TMEM131L: variants seen among roughly 807,000 people sequenced by gnomAD.
TMEM131L encodes the protein transmembrane protein 131-like.
A neutral mutation model predicts 192.2 loss-of-function variants in TMEM131L; 54 were observed. That is an observed-to-expected ratio of 0.28 (90% CI 0.23 to 0.35). TMEM131L has a LOEUF of 0.35. Among genes scored for constraint, TMEM131L ranks in the 10% least tolerant of loss-of-function variants. The pLI is 1.00. For missense variants in TMEM131L, 1,888 were observed against 1,972.9 expected, an observed-to-expected ratio of 0.96 and a Z score of 0.82; for synonymous variants, 701 against 704.9, an observed-to-expected ratio of 0.99 and a Z score of 0.09.
At chr4:153,598,544 G>A in intron 20 of TMEM131L, 46 bp from the exon 21 acceptor site, 1 of 1,515,334 alleles carries the variant, frequency 6.6e-7, no homozygotes, top group Non-Finnish European at 9.1e-7. Context: ...ATTGTACCTT[G>A]TGACTCCATG....
At chr4:153,589,448 G>C (rs1730922068) in intron 16 of TMEM131L, among the ~76,000 whole-genome samples, 2 of 152,168 alleles carry the variant, frequency 1.3e-5, no homozygotes, top group South Asian at 4.1e-4. Flanking sequence ...GGCAGGTAGG[G>C]GATCCATGTG....
chr4:153,622,448 T>C (rs1578887078), intron 28 of TMEM131L, among the ~76,000 whole-genome samples: 1 of 152,210 alleles, frequency 6.6e-6, no homozygotes, highest in Non-Finnish European at 1.5e-5. Flanking sequence ...ACCCTCTCTT[T>C]TTCATTCCCT....
intron 25 of TMEM131L, among the ~76,000 whole-genome samples, chr4:153,610,952 A>C (rs147737124): frequency 0.012 from 1,835 of 152,362 alleles, 81 homozygotes; most frequent in Admixed American, 0.084. Context: ...AGAAGAAGGT[A>C]CTGAAATACA....
At chr4:153,522,477 T>C (rs1735188457) in intron 3 of TMEM131L, among the ~76,000 whole-genome samples, 1 of 152,068 alleles carries the variant, frequency 6.6e-6, no homozygotes, top group Non-Finnish European at 1.5e-5. Flanking sequence ...GACCGCCCTC[T>C]GGGCTCCCTG....
intron 31 of TMEM131L, among the ~76,000 whole-genome samples, chr4:153,628,355 CCT>C: frequency 6.6e-6 from 1 of 152,178 alleles, no homozygotes; most frequent in Non-Finnish European, 1.5e-5. Flanking sequence ...TCCTCTTCTG[CCT>C]CTCTTTGTCT....
intron 3 of TMEM131L, among the ~76,000 whole-genome samples, chr4:153,544,198 C>A (rs577986612): frequency 6.6e-6 from 1 of 152,206 alleles, no homozygotes; most frequent in East Asian, 1.9e-4. Context: ...AAACCCAGTT[C>A]GCTGAGGAAT....
At chr4:153,520,077 A>T (rs1735002721) in intron 3 of TMEM131L, among the ~76,000 whole-genome samples, 1 of 152,098 alleles carries the variant, frequency 6.6e-6, no homozygotes, top group South Asian at 2.1e-4. Flanking sequence ...GGGTCAGGGG[A>T]TCTCTTAAGG....
chr4:153,631,047 G>A lies in TMEM131L; in HGVS notation c.4208-1671G>A, dbSNP rs115127873. Among the ~76,000 whole-genome samples, 1,007 of 152,334 alleles carry A rather than the reference G, an allele frequency of 6.6e-3. 13 individuals carry two copies. Among genetic ancestry groups the A allele is most frequent in the African/African-American group, 0.023 (970 of 41,584 alleles). On this transcript the variant is annotated intron_variant, in intron 31 of 34. Transcript: ENST00000409959. ...CCTGAGAGTTGTTTACACCTAGCAG[G>A]GTTTCTTCAGGGCAGAATTAGCCAG...
chr4:153,503,646 C>T (rs1246285514), intron 3 of TMEM131L, among the ~76,000 whole-genome samples: 1 of 152,156 alleles, frequency 6.6e-6, no homozygotes, highest in Non-Finnish European at 1.5e-5. Context: ...GTGGGTCCTA[C>T]AACTTACTAG....
chr4:153,523,818 G>T (rs1349556472), intron 3 of TMEM131L, among the ~76,000 whole-genome samples: 1 of 152,190 alleles, frequency 6.6e-6, no homozygotes, highest in Non-Finnish European at 1.5e-5. Context: ...TACTCCTGCA[G>T]TCAGGCTGAT....
intron 3 of TMEM131L, among the ~76,000 whole-genome samples, chr4:153,532,819 C>T (rs1277891521): frequency 1.3e-5 from 2 of 152,034 alleles, no homozygotes; most frequent in Non-Finnish European, 2.9e-5. Context: ...GTTTTAGTTG[C>T]TGGGTTCATG....
chr4:153,541,548 T>G (rs998494259), intron 3 of TMEM131L, among the ~76,000 whole-genome samples: 1 of 152,202 alleles, frequency 6.6e-6, no homozygotes, highest in Non-Finnish European at 1.5e-5. Flanking sequence ...GCATCTTTTA[T>G]TCCATTGGGA....
At position 153,601,257 on chromosome 4, in the gene TMEM131L, C is replaced by T. The variant is rs551455352; in HGVS notation, c.2267-895C>T. Among the ~76,000 whole-genome samples the T allele has an allele frequency of 5.3e-5, 8 of 152,242 alleles. No individual in the cohort carries two copies. In the East Asian group the frequency reaches 9.6e-4, roughly 18 times the overall value. ...ATAAAAACTATAGAACCAGACCTGT[C>T]GCCATAGCTCATGCCTGTAATCCCA... On this transcript the variant is annotated intron_variant, in intron 21 of 34. Transcript: ENST00000409959.
intron 26 of TMEM131L, among the ~76,000 whole-genome samples, chr4:153,615,448 C>G (rs1383310905): frequency 1.3e-5 from 2 of 152,062 alleles, no homozygotes; most frequent in Admixed American, 6.6e-5. Flanking sequence ...GTGAGGTGTG[C>G]ACAGAGAAAA....
intron 26 of TMEM131L, among the ~76,000 whole-genome samples, 174 bp from the exon 27 acceptor site, chr4:153,620,582 G>C (rs1478432250): frequency 6.6e-6 from 1 of 152,204 alleles, no homozygotes; most frequent in Admixed American, 6.5e-5. Flanking sequence ...TGGAGCTTGA[G>C]GGAAGTAGCG....
chr4:153,531,021 C>G (rs888151440), intron 3 of TMEM131L, among the ~76,000 whole-genome samples: 3 of 152,208 alleles, frequency 2.0e-5, no homozygotes, highest in African/African-American at 7.2e-5. Context: ...CTGGCTGAGG[C>G]TGAAGAATTT....
chr4:153,572,947 G>A (rs920503706), intron 7 of TMEM131L, among the ~76,000 whole-genome samples: 4 of 151,974 alleles, frequency 2.6e-5, no homozygotes, highest in Non-Finnish European at 4.4e-5. Flanking sequence ...CATAGAAGTG[G>A]GATTATACAG....
At chr4:153,620,993 G>A in intron 27 of TMEM131L, 113 bp downstream of exon 27, 1 of 701,446 alleles carries the variant, frequency 1.4e-6, no homozygotes, top group Non-Finnish European at 2.4e-6. Context: ...GATAATATGA[G>A]AGTGTAAATG....
chr4:153,563,456 CTTTTTTTTTTTT>C (rs1177255196), intron 7 of TMEM131L, among the ~76,000 whole-genome samples: 62 of 88,210 alleles, frequency 7.0e-4, no homozygotes, highest in African/African-American at 2.7e-3. Context: ...GATATGTACC[CTTTTTTTTTTTT>C]TTTTTTTTTT....
Sources: allele counts gnomAD v4.1 joint callset (sites outside exome capture counted in the v4.1 genomes callset), GRCh38; gene constraint gnomAD v4.1.1; transcripts MANE v1.5; gene names NCBI Gene and HGNC (gene_info 2026-07-23, HGNC 2026-07-21).